The following EPHA5 variants were observed in gnomAD, a reference collection of about 807,000 sequenced individuals.
EPHA5 encodes the protein EPH receptor A5.
Under a neutral mutation model 105.0 loss-of-function variants are expected in EPHA5, and 60 were observed. That is an observed-to-expected ratio of 0.57 (90% CI 0.46 to 0.71). The LOEUF (loss-of-function observed/expected upper bound fraction) is 0.71. EPHA5 is among the 30% of genes least tolerant of loss of function. EPHA5 has a pLI of 0.00. For missense variants in EPHA5, 1,218 were observed against 1,274.7 expected (o/e 0.96, Z 0.68); for synonymous variants, 513 against 449.1 (o/e 1.14, Z -1.80).
intron 2 of EPHA5, among the ~76,000 whole-genome samples, chr4:65,608,447 T>A (rs1366819201): frequency 6.6e-6 from 1 of 151,278 alleles, no homozygotes; most frequent in Non-Finnish European, 1.5e-5. Flanking sequence ...GAGCCTGCAG[T>A]GAGCCGAGAT....
intron 6 of EPHA5, among the ~76,000 whole-genome samples, chr4:65,417,039 C>G (rs1008274861): frequency 1.3e-5 from 2 of 152,224 alleles, no homozygotes; most frequent in African/African-American, 4.8e-5. Flanking sequence ...AGCTGCTTAG[C>G]AAACACTGTT....
intron 5 of EPHA5, among the ~76,000 whole-genome samples, chr4:65,475,673 G>T (rs1258287293): frequency 6.6e-6 from 1 of 152,152 alleles, no homozygotes; most frequent in East Asian, 1.9e-4. Context: ...GTATGCCAAT[G>T]AGAAGAATGA....
At chr4:65,608,744 C>T (rs1384949024) in intron 2 of EPHA5, among the ~76,000 whole-genome samples, 5 of 152,226 alleles carry the variant, frequency 3.3e-5, no homozygotes, top group African/African-American at 9.6e-5. Context: ...TTATGCAATG[C>T]ATGCATGACA....
chr4:65,594,607 T>A (rs1742992162), intron 3 of EPHA5, among the ~76,000 whole-genome samples: 1 of 152,166 alleles, frequency 6.6e-6, no homozygotes, highest in Non-Finnish European at 1.5e-5. Context: ...CAGACCAGAT[T>A]TAAAAGTTTG....
At chr4:65,367,240 A>C in intron 9 of EPHA5, 117 bp downstream of exon 9, 2 of 885,586 alleles carry the variant, frequency 2.3e-6, no homozygotes, top group South Asian at 1.9e-5. Flanking sequence ...CACTTTTAAA[A>C]AAAAAAAAAA....
chr4:65,521,352 C>T (rs36163806), intron 3 of EPHA5, among the ~76,000 whole-genome samples: 44,911 of 151,834 alleles, frequency 0.3, 7,646 homozygotes, highest in Middle Eastern at 0.44. Context: ...GGAAGGGGAA[C>T]ATCACACACC....
intron 8 of EPHA5, among the ~76,000 whole-genome samples, chr4:65,398,365 T>C (rs544068223): frequency 6.6e-6 from 1 of 152,158 alleles, no homozygotes; most frequent in African/African-American, 2.4e-5. Context: ...TTGAGGGAAA[T>C]CTGAGAGTGG....
intron 3 of EPHA5, among the ~76,000 whole-genome samples, chr4:65,583,897 C>A (rs1490291350): frequency 6.6e-6 from 1 of 151,352 alleles, no homozygotes. Flanking sequence ...TATACTGGTT[C>A]ATTAAATTCA....
At chr4:65,495,291 T>C in intron 4 of EPHA5, 97 bp downstream of exon 4, 1 of 1,278,828 alleles carries the variant, frequency 7.8e-7, no homozygotes, top group Non-Finnish European at 1.1e-6. Flanking sequence ...ATGTCTGTTT[T>C]AGGGGGAAAT....
At chr4:65,336,864 A>G (rs1455383598) in intron 14 of EPHA5, among the ~76,000 whole-genome samples, 1 of 152,102 alleles carries the variant, frequency 6.6e-6, no homozygotes, top group East Asian at 1.9e-4. Context: ...TGTTTATGCT[A>G]CCAAACACAG....
At chr4:65,586,771 A>C (rs901471373) in intron 3 of EPHA5, among the ~76,000 whole-genome samples, 1 of 152,200 alleles carries the variant, frequency 6.6e-6, no homozygotes, top group Non-Finnish European at 1.5e-5. Flanking sequence ...TTCCAATTAT[A>C]AAATAAAAAC....
intron 1 of EPHA5, among the ~76,000 whole-genome samples, chr4:65,652,839 A>T (rs1748730595): frequency 6.6e-6 from 1 of 152,134 alleles, no homozygotes; most frequent in Non-Finnish European, 1.5e-5. Flanking sequence ...TTCAAAAATA[A>T]GTTACAAGAT....
chr4:65,363,909 A>T (rs1717588318), intron 11 of EPHA5, among the ~76,000 whole-genome samples: 2 of 151,538 alleles, frequency 1.3e-5, no homozygotes, highest in Admixed American at 6.6e-5. Context: ...ATTTCCACAC[A>T]TCCATTAAAG....
chr4:65,618,000 C>A (rs568410530), intron 2 of EPHA5, among the ~76,000 whole-genome samples: 17 of 152,202 alleles, frequency 1.1e-4, no homozygotes, highest in African/African-American at 3.9e-4. Flanking sequence ...GAGGCTTGAT[C>A]TAACCAGTAT....
chr4:65,461,313 G>T (rs1728100770), intron 5 of EPHA5, among the ~76,000 whole-genome samples: 1 of 151,848 alleles, frequency 6.6e-6, no homozygotes, highest in African/African-American at 2.4e-5. Flanking sequence ...TGATGTTCTT[G>T]TTTGTTTTAT....
chr4:65,528,639 G>T (rs1234688277), intron 3 of EPHA5, among the ~76,000 whole-genome samples: 3 of 152,096 alleles, frequency 2.0e-5, no homozygotes, highest in Non-Finnish European at 4.4e-5. Flanking sequence ...TCAACAAATA[G>T]GTAGAGTTGA....
At chr4:65,629,836 C>A (rs532424553) in intron 2 of EPHA5, among the ~76,000 whole-genome samples, 49 of 152,214 alleles carry the variant, frequency 3.2e-4, no homozygotes, top group African/African-American at 1.1e-3. Flanking sequence ...ACAGGTGAAC[C>A]AAGTGGAGCC....
intron 5 of EPHA5, among the ~76,000 whole-genome samples, chr4:65,452,234 G>GGT (rs1209748339): frequency 6.6e-6 from 1 of 151,928 alleles, no homozygotes; most frequent in Non-Finnish European, 1.5e-5. Context: ...ATTACTATTT[G>GGT]GTGTGGTGGG....
intron 11 of EPHA5, among the ~76,000 whole-genome samples, chr4:65,361,724 A>G (rs1242639624): frequency 9.2e-5 from 14 of 151,768 alleles, no homozygotes; most frequent in Non-Finnish European, 2.9e-5. Flanking sequence ...ATATAGAAAT[A>G]AAGAGAAAGA....
Sources: allele counts gnomAD v4.1 joint callset (sites outside exome capture counted in the v4.1 genomes callset), GRCh38; gene constraint gnomAD v4.1.1; transcripts MANE v1.5; gene names NCBI Gene and HGNC (gene_info 2026-07-23, HGNC 2026-07-21).